The following SNX29 variants were observed in gnomAD, a reference collection of about 807,000 sequenced individuals.
The protein encoded by SNX29 is sorting nexin-29.
Under a neutral mutation model 102.1 loss-of-function variants are expected in SNX29, and 78 were observed. The observed-to-expected ratio is 0.76, with a 90% CI of 0.64 to 0.92. The LOEUF is 0.92. SNX29 is among the 40% of genes least tolerant of loss of function. The probability of loss-of-function intolerance (pLI) is 0.00; values close to 1 mark genes in which losing one functional copy is unlikely to be tolerated. For missense variants in SNX29, 1,280 were observed against 1,061.7 expected (o/e 1.21, Z -2.86); for synonymous variants, 580 against 414.5 (o/e 1.40, Z -4.85).
At chr16:12,255,380 C>G (rs1850305050) in intron 14 of SNX29, among the ~76,000 whole-genome samples, 1 of 151,868 alleles carries the variant, frequency 6.6e-6, no homozygotes, top group African/African-American at 2.4e-5. Context: ...TTAGTAGAGA[C>G]AGGGTTTCGC....
intron 14 of SNX29, among the ~76,000 whole-genome samples, chr16:12,259,170 G>C (rs547023655): frequency 3.3e-5 from 5 of 152,276 alleles, no homozygotes; most frequent in African/African-American, 1.2e-4. Context: ...GTGGGCTTTT[G>C]AAATAGCCTC....
chr16:12,270,021 C>T (rs111459273), intron 14 of SNX29, among the ~76,000 whole-genome samples: 2 of 152,000 alleles, frequency 1.3e-5, no homozygotes, highest in African/African-American at 4.8e-5. Flanking sequence ...CCACCACGCC[C>T]AGCTAATTTT....
chr16:12,132,248 G>A (rs377040895), intron 13 of SNX29, among the ~76,000 whole-genome samples: 7 of 152,094 alleles, frequency 4.6e-5, no homozygotes, highest in Non-Finnish European at 8.8e-5. Flanking sequence ...ACAGGTGCCC[G>A]CCACTATGCC....
At position 12,032,651 on chromosome 16, in the gene SNX29, G is replaced by GT. The variant is rs749306330; in HGVS notation, c.247+5213dup. Reference sequence around the variant, plus strand: ...TGTGAATATGAAGATACAAATACTTGTTTTTTCCACTTTTAGTTCTTTTGG... The same window carrying GT: ...TGTGAATATGAAGATACAAATACTTGTTTTTTTCCACTTTTAGTTCTTTTGG... On this transcript the variant is annotated intron_variant, in intron 4 of 20. Coordinates refer to ENST00000566228, the MANE Select transcript of SNX29 (RefSeq NM_032167.5). Among the ~76,000 whole-genome samples the GT allele has an allele frequency of 5.9e-5, 9 of 152,012 alleles. No homozygotes were observed. In the South Asian group the frequency reaches 6.2e-4, roughly 11 times the overall value.
At chr16:12,505,633 C>T (rs182810133) in intron 19 of SNX29, among the ~76,000 whole-genome samples, 1 of 152,014 alleles carries the variant, frequency 6.6e-6, no homozygotes, top group East Asian at 1.9e-4. Flanking sequence ...ATTACTGTGG[C>T]TTTGTACAGG....
chr16:12,496,488 ACCT>A (rs1227213388), intron 19 of SNX29, among the ~76,000 whole-genome samples: 6 of 126,824 alleles, frequency 4.7e-5, no homozygotes, highest in Non-Finnish European at 8.1e-5. Flanking sequence ...TGCTTCTCAC[ACCT>A]CCTTGGCTCT....
intron 3 of SNX29, among the ~76,000 whole-genome samples, chr16:12,021,276 A>G (rs1485248008): frequency 6.6e-6 from 1 of 152,090 alleles, no homozygotes; most frequent in Non-Finnish European, 1.5e-5. Context: ...ATATAAAAAT[A>G]TTAGCTGGGC....
chr16:12,043,076 A>T lies in SNX29; in HGVS notation c.427A>T (p.Ser143Cys). 6.2e-7 allele frequency: 1 copy of T among 1,613,066 alleles called. No homozygotes were observed. ...HMLLADRCRL[S>C]TFYEDWSFVM... The stretch of plus-strand genomic sequence containing the variant: ...GCTCCTGGCCGACCGCTGCAGGCTG[A>T]GGTACGTGGCCGGGATGCGAACTGG... The change falls in exon 5 of 21, where the codon AGC becomes TGC. Residue 143 changes from serine to cysteine, a missense_variant and splice_region_variant. Ser to Cys is a moderately radical substitution (Grantham distance 112). Transcript: ENST00000566228.
intron 20 of SNX29, among the ~76,000 whole-genome samples, chr16:12,535,022 C>T (rs933773315): frequency 6.6e-6 from 1 of 152,160 alleles, no homozygotes; most frequent in Non-Finnish European, 1.5e-5. Flanking sequence ...GAGAAGCTGG[C>T]TCGTTGGGTC....
intron 20 of SNX29, among the ~76,000 whole-genome samples, chr16:12,531,031 G>A (rs2076918363): frequency 1.3e-5 from 2 of 152,242 alleles, no homozygotes; most frequent in South Asian, 4.1e-4. Context: ...ATTTTGGCAG[G>A]TAGAGCTACA....
At chr16:12,487,448 T>C (rs2088302573) in intron 19 of SNX29, among the ~76,000 whole-genome samples, 1 of 152,128 alleles carries the variant, frequency 6.6e-6, no homozygotes, top group African/African-American at 2.4e-5. Context: ...AAAGTGTTTA[T>C]AGATGAGGAA....
rs1456724136 is a variant in SNX29, at chr16:12,049,254, C to T, written c.748+634C>T. On this transcript the variant is annotated intron_variant, in intron 7 of 20. Transcript: ENST00000566228. ...CTATAATCCTAGCACTTTGGGAGGC[C>T]GAGGCAGGAGGATCGCTTGAGTTCA... Among the ~76,000 whole-genome samples the T allele has an allele frequency of 3.3e-5, 5 of 151,970 alleles. No homozygotes were observed. In the South Asian group the frequency reaches 6.3e-4, roughly 19 times the overall value.
Position 12,208,210 on chromosome 16 carries a change from G to A in SNX29, c.1678+8527G>A, listed in dbSNP as rs572197081. 2.2e-3 allele frequency among the ~76,000 whole-genome samples: 336 copies of A among 152,328 alleles called. 1 individual carries two copies. Among genetic ancestry groups the A allele is most frequent in the Non-Finnish European group, 2.2e-3 (149 of 68,038 alleles). Reference sequence around the variant, plus strand: ...TAGTCATACAGGCCCACCTGGGTGCGGAGGGTCTCGGAAGTGTTCTCTCTG... The same window carrying A: ...TAGTCATACAGGCCCACCTGGGTGCAGAGGGTCTCGGAAGTGTTCTCTCTG... On this transcript the variant is annotated intron_variant, in intron 14 of 20. Transcript: ENST00000566228.
intron 19 of SNX29, among the ~76,000 whole-genome samples, chr16:12,502,316 G>T (rs571825898): frequency 6.6e-6 from 1 of 152,308 alleles, no homozygotes; most frequent in African/African-American, 2.4e-5. Flanking sequence ...CTGTGCCTCA[G>T]TGTCTTCAAG....
At chr16:12,491,615 G>A (rs1321037660) in intron 19 of SNX29, among the ~76,000 whole-genome samples, 2 of 152,066 alleles carry the variant, frequency 1.3e-5, no homozygotes, top group East Asian at 1.9e-4. Context: ...TGCCATGTTG[G>A]TGTGCTGCAC....
At chr16:12,482,989 T>C (rs1018071623) in intron 19 of SNX29, among the ~76,000 whole-genome samples, 1 of 152,174 alleles carries the variant, frequency 6.6e-6, no homozygotes, top group Admixed American at 6.5e-5. Context: ...TGTCCATGCC[T>C]TCACATACTG....
intron 15 of SNX29, among the ~76,000 whole-genome samples, chr16:12,312,994 G>A (rs941550685): frequency 6.7e-6 from 1 of 149,792 alleles, no homozygotes; most frequent in Non-Finnish European, 1.5e-5. Context: ...AAGGAGCTTC[G>A]GACCCTGGGG....
At chr16:12,011,796 G>A (rs1165007414) in intron 3 of SNX29, among the ~76,000 whole-genome samples, 3 of 152,104 alleles carry the variant, frequency 2.0e-5, no homozygotes, top group Non-Finnish European at 2.9e-5. Context: ...GTTACCAGCT[G>A]TGTAATTTTG....
chr16:12,092,820 C>G (rs2052612465), intron 11 of SNX29, among the ~76,000 whole-genome samples: 1 of 152,224 alleles, frequency 6.6e-6, no homozygotes, highest in African/African-American at 2.4e-5. Context: ...CAGGTGTCTT[C>G]CTTTCCCCCT....
Sources: gnomAD v4.1 joint callset for allele counts (sites outside exome capture counted in the v4.1 genomes callset) on GRCh38, gnomAD v4.1.1 for gene constraint, MANE v1.5 for transcripts, NCBI Gene and HGNC (gene_info 2026-07-23, HGNC 2026-07-21) for gene names.